Variants in BRD10 observed in about 807,000 individuals in gnomAD.
BRD10 encodes the protein uncharacterized bromodomain-containing protein 10.
At chr9:5,949,260 A>G in the BRD10 span, among the ~76,000 whole-genome samples, 389 of 152,240 alleles carry the variant, frequency 2.6e-3, 2 homozygotes, top group African/African-American at 8.6e-3. Context: ...TGATAGAGGA[A>G]ACCACAGAGA....
the BRD10 span, chr9:5,919,392 CT>C: frequency 3.9e-6 from 1 of 258,580 alleles, no homozygotes; most frequent in East Asian, 7.5e-5. Flanking sequence ...ACTATTCAAA[CT>C]TTGTTCACTT....
the BRD10 span, chr9:5,921,198 G>C: frequency 3.1e-6 from 5 of 1,613,738 alleles, no homozygotes; most frequent in Non-Finnish European, 4.2e-6. Flanking sequence ...GTTACATTTT[G>C]TAATATGTTA....
chr9:5,931,018 TAAAG>T, the BRD10 span, among the ~76,000 whole-genome samples: 2 of 152,188 alleles, frequency 1.3e-5, no homozygotes, highest in African/African-American at 4.8e-5. Context: ...TTTCCTAAGT[TAAAG>T]AGAGAAGAAA....
the BRD10 span, among the ~76,000 whole-genome samples, chr9:5,886,378 A>G: frequency 2.0e-4 from 30 of 152,378 alleles, 1 homozygote; most frequent in East Asian, 5.8e-3. Flanking sequence ...GCTGCCTCAC[A>G]GTAACAGTTC....
chr9:5,953,648 G>C, the BRD10 span, among the ~76,000 whole-genome samples: 1 of 151,218 alleles, frequency 6.6e-6, no homozygotes, highest in Admixed American at 6.6e-5. Flanking sequence ...ATTTGTTCTT[G>C]GAAGAGTTTC....
chr9:6,006,958 T>C, the BRD10 span, among the ~76,000 whole-genome samples: 1 of 152,180 alleles, frequency 6.6e-6, no homozygotes, highest in Non-Finnish European at 1.5e-5. Context: ...TATACCCAGC[T>C]CTTCAGCGCT....
At chr9:5,940,868 G>T in the BRD10 span, among the ~76,000 whole-genome samples, 1 of 152,116 alleles carries the variant, frequency 6.6e-6, no homozygotes, top group East Asian at 1.9e-4. Flanking sequence ...GATAAAAGAT[G>T]TATTAGAAAA....
the BRD10 span, among the ~76,000 whole-genome samples, chr9:5,948,085 A>C: frequency 6.6e-6 from 1 of 152,150 alleles, no homozygotes; most frequent in Admixed American, 6.6e-5. Context: ...ACACTCCCTC[A>C]AGTTAACCTT....
chr9:5,957,786 T>C, the BRD10 span, among the ~76,000 whole-genome samples: 1 of 152,094 alleles, frequency 6.6e-6, no homozygotes, highest in Non-Finnish European at 1.5e-5. Flanking sequence ...CATCAGCACT[T>C]CAAAAAAATT....
the BRD10 span, among the ~76,000 whole-genome samples, chr9:5,917,309 A>G: frequency 5.3e-4 from 80 of 152,374 alleles, no homozygotes; most frequent in African/African-American, 1.8e-3. Flanking sequence ...ATGGAACATT[A>G]GGTCAAAGAA....
At chr9:5,964,401 AAAC>A in the BRD10 span, among the ~76,000 whole-genome samples, 1 of 151,896 alleles carries the variant, frequency 6.6e-6, no homozygotes, top group Non-Finnish European at 1.5e-5. Flanking sequence ...AAAAGTCAGG[AAAC>A]AACAGGTGCT....
the BRD10 span, among the ~76,000 whole-genome samples, chr9:5,984,074 C>A: frequency 1.3e-5 from 2 of 150,750 alleles, no homozygotes; most frequent in Non-Finnish European, 2.9e-5. Context: ...CCTCAGAATT[C>A]ATTGTTGGCA....
At chr9:5,949,086 G>C in the BRD10 span, among the ~76,000 whole-genome samples, 1 of 151,964 alleles carries the variant, frequency 6.6e-6, no homozygotes, top group South Asian at 2.1e-4. Flanking sequence ...ATTTTAAGGG[G>C]GAAGAACTCC....
At chr9:5,991,662 T>C in the BRD10 span, among the ~76,000 whole-genome samples, 1 of 148,678 alleles carries the variant, frequency 6.7e-6, no homozygotes, top group African/African-American at 2.5e-5. Context: ...GAGGCGGAGG[T>C]TGCAGTGAGC....
At chr9:5,968,503 A>C in the BRD10 span, 3 of 1,612,096 alleles carry the variant, frequency 1.9e-6, no homozygotes, top group East Asian at 2.2e-5. Context: ...TAATTTCACA[A>C]GGCCTGCGAA....
At chr9:5,980,791 C>A in the BRD10 span, among the ~76,000 whole-genome samples, 1 of 152,096 alleles carries the variant, frequency 6.6e-6, no homozygotes, top group Non-Finnish European at 1.5e-5. Context: ...TAAAGTATTA[C>A]CATATTAAAA....
At chr9:5,972,729 G>A in the BRD10 span, among the ~76,000 whole-genome samples, 10 of 152,238 alleles carry the variant, frequency 6.6e-5, no homozygotes, top group African/African-American at 2.4e-4. Context: ...CATGCTTCCT[G>A]TACAACCTAC....
the BRD10 span, among the ~76,000 whole-genome samples, chr9:5,952,623 T>C: frequency 6.6e-6 from 1 of 152,218 alleles, no homozygotes; most frequent in East Asian, 1.9e-4. Context: ...AAACACTGGC[T>C]ATGCAGCCTG....
chr9:5,918,808 G>C, the BRD10 span, among the ~76,000 whole-genome samples: 1 of 95,004 alleles, frequency 1.1e-5, no homozygotes, highest in South Asian at 4.1e-4. Context: ...CTGGGCAACA[G>C]GTGAGTCAAA....
Sources: gnomAD v4.1 joint callset for allele counts (sites outside exome capture counted in the v4.1 genomes callset) on GRCh38, gnomAD v4.1.1 for gene constraint, MANE v1.5 for transcripts, NCBI Gene and HGNC (gene_info 2026-07-23, HGNC 2026-07-21) for gene names.